Variants in NUDCD2 observed in about 807,000 individuals in gnomAD.
The protein encoded by NUDCD2 is NudC domain containing 2, also known as nudC domain-containing protein 2.
NUDCD2 carries 16 observed loss-of-function variants against 20.8 expected under a neutral mutation model. That is an observed-to-expected ratio of 0.77 (90% confidence interval 0.52 to 1.17). The LOEUF (loss-of-function observed/expected upper bound fraction) is 1.17. NUDCD2 is among the 50% of genes most tolerant of loss of function. The pLI is 0.00. For synonymous variants in NUDCD2, 87 were observed against 72.8 expected (o/e 1.20, Z -1.00); for missense variants, 199 against 193.9 (o/e 1.03, Z -0.16).
At chr5:163,457,208 T>A in intron 2 of NUDCD2, 128 bp from the exon 3 acceptor site, 1 of 968,490 alleles carries the variant, frequency 1.0e-6, no homozygotes, top group Non-Finnish European at 1.5e-6. Context: ...CTCGGCTCAC[T>A]GAAACCTCCG....
At chr5:163,454,632 C>A (rs981757471) in intron 3 of NUDCD2, among the ~76,000 whole-genome samples, 6 of 152,198 alleles carry the variant, frequency 3.9e-5, no homozygotes, top group Non-Finnish European at 8.8e-5. Flanking sequence ...TGAGCCATGG[C>A]GCCCAGCCTA....
Position 163,447,751 on chromosome 5 carries a change from A to G in NUDCD2, c.*6216T>C, listed in dbSNP as rs1002571137. ...TTTAAAAGAGATGAAATCATATAAAATATGTTTTTTGACCATAATCTAGAA... is the reference window on the plus strand; with the variant it reads ...TTTAAAAGAGATGAAATCATATAAAGTATGTTTTTTGACCATAATCTAGAA... On this transcript the variant is annotated 3_prime_UTR_variant, in exon 4 of 4. Coordinates refer to ENST00000302764, the MANE Select transcript of NUDCD2 (RefSeq NM_145266.6). 6.6e-6 allele frequency: 1 copy of G among 152,202 alleles called. No homozygotes were observed. The highest frequency in any genetic ancestry group is 1.5e-5 in the Non-Finnish European group (1 of 68,030). The allele number at this position is 152,202 out of a possible 1,614,324, so 9.4% of individuals were successfully genotyped here. A position where few individuals can be genotyped will look rare whatever the true frequency, so the allele number is the denominator to read the frequency against.
chr5:163,458,235 C>A (rs1310858055), intron 1 of NUDCD2, among the ~76,000 whole-genome samples: 2 of 152,002 alleles, frequency 1.3e-5, no homozygotes, highest in African/African-American at 4.8e-5. Context: ...CCCGCCTAGG[C>A]CTTCCAAAGT....
chr5:163,449,007 A>C lies in NUDCD2; in HGVS notation c.*4960T>G, dbSNP rs1047256329. Reference sequence around the variant, plus strand: ...CAGCTTGCATACATAATGGTCAAAAACAATGCTTTCAAAATCCTAAGATCC... The same window carrying C: ...CAGCTTGCATACATAATGGTCAAAACCAATGCTTTCAAAATCCTAAGATCC... On this transcript the variant is annotated 3_prime_UTR_variant, in exon 4 of 4. Coordinates refer to ENST00000302764, the MANE Select transcript of NUDCD2 (RefSeq NM_145266.6). The C allele has an allele frequency of 6.6e-6, 1 of 152,224 alleles. No homozygotes were observed. Among genetic ancestry groups the C allele is most frequent in the African/African-American group, 2.4e-5 (1 of 41,462 alleles). The allele number at this position is 152,224 out of a possible 1,614,324, so 9.4% of individuals were successfully genotyped here. A position where few individuals can be genotyped will look rare whatever the true frequency, so the allele number is the denominator to read the frequency against.
Position 163,456,917 on chromosome 5 carries a change from C to G in NUDCD2, c.390+12G>C. 6.3e-7 allele frequency: 1 copy of G among 1,588,790 alleles called. No homozygotes were observed. Among genetic ancestry groups the G allele is most frequent in the Non-Finnish European group, 8.6e-7 (1 of 1,166,274 alleles). On this transcript the variant is annotated intron_variant, in intron 3 of 3. Transcript: ENST00000302764. ...TTTAATTACACATACTCATACACTT[C>G]ATCTGACTTACTTCTTTTTGGAATC...
intron 3 of NUDCD2, among the ~76,000 whole-genome samples, chr5:163,454,716 C>A (rs1433564435): frequency 3.3e-5 from 5 of 152,160 alleles, no homozygotes; most frequent in African/African-American, 7.2e-5. Context: ...AGATATTTAA[C>A]CCTCACAACA....
chr5:163,457,141 T>G, intron 2 of NUDCD2, 61 bp from the exon 3 acceptor site: 1 of 1,326,990 alleles, frequency 7.5e-7, no homozygotes, highest in South Asian at 1.6e-5. Context: ...ATCAAGTTGT[T>G]TTTTTTTTTT....
In NUDCD2 at chr5:163,452,195, T is replaced by A. The variant is rs1400264510; in HGVS notation, c.*1772A>T. ...ATATGTGAATTCATGGTTTTCAATA[T>A]ACATAGATGCAGAAATATAGATGTA... is the stretch of plus-strand genomic sequence containing the variant. On this transcript the variant is annotated 3_prime_UTR_variant, in exon 4 of 4. Coordinates refer to ENST00000302764, the MANE Select transcript of NUDCD2 (RefSeq NM_145266.6). 3 of 152,168 alleles carry A rather than the reference T, an allele frequency of 2.0e-5. No individual in the cohort carries two copies. Among genetic ancestry groups the A allele is most frequent in the African/African-American group, 7.2e-5 (3 of 41,430 alleles). 9.4% of individuals were successfully genotyped at this position (152,168 alleles called of 1,614,324 possible).
In NUDCD2 at chr5:163,452,443, A is replaced by C. The variant is rs1758201411; in HGVS notation, c.*1524T>G. ...TCAGAAGGACACAGAGGCCACCCAG[A>C]ATGGACTTCTACCAGCCAAATGTAC... On this transcript the variant is annotated 3_prime_UTR_variant, in exon 4 of 4. Transcript: ENST00000302764. 1 of 152,224 alleles carries C rather than the reference A, an allele frequency of 6.6e-6. No homozygotes were observed. The highest frequency in any genetic ancestry group is 6.5e-5 in the Admixed American group (1 of 15,286). The allele number at this position is 152,224 out of a possible 1,614,324, so 9.4% of individuals were successfully genotyped here.
chr5:163,447,572 C>T lies in NUDCD2; in HGVS notation c.*6395G>A, dbSNP rs1368091016. On this transcript the variant is annotated 3_prime_UTR_variant, in exon 4 of 4. Coordinates refer to ENST00000302764, the MANE Select transcript of NUDCD2 (RefSeq NM_145266.6). ...GTCCATAGAATTAATAGAAAATTAGCAAAGATGTAGGAAAATGGAATAATA... is the reference window on the plus strand; with the variant it reads ...GTCCATAGAATTAATAGAAAATTAGTAAAGATGTAGGAAAATGGAATAATA... The T allele has an allele frequency of 6.6e-6, 1 of 151,550 alleles. No homozygotes were observed. Among genetic ancestry groups the T allele is most frequent in the African/African-American group, 2.4e-5 (1 of 41,240 alleles). The allele number at this position is 151,550 out of a possible 1,614,324, so 9.4% of individuals were successfully genotyped here. A position where few individuals can be genotyped will look rare whatever the true frequency, so the allele number is the denominator to read the frequency against.
In NUDCD2 at chr5:163,459,900, G is replaced by A; in HGVS notation, c.151C>T (p.His51Tyr). 6.2e-7 allele frequency: 1 copy of A among 1,610,578 alleles called. No individual in the cohort carries two copies. Among genetic ancestry groups the A allele is most frequent in the South Asian group, 1.1e-5 (1 of 90,842 alleles). Residue 51 changes from histidine to tyrosine, a missense_variant, in exon 1 of 4, where the codon CAT (histidine) becomes TAT (tyrosine). Coordinates refer to ENST00000302764, the MANE Select transcript of NUDCD2 (RefSeq NM_145266.6). ...CGGCCGCCCACCGACAGCGCCACATGCCGGCTCTGGAGGCCGCACTGGATA... is the reference window on the plus strand; with the variant it reads ...CGGCCGCCCACCGACAGCGCCACATACCGGCTCTGGAGGCCGCACTGGATA... ...QDIQCGLQSR[H>Y]VALSVGGREI...
intron 3 of NUDCD2, among the ~76,000 whole-genome samples, chr5:163,455,316 A>G (rs1297169200): frequency 6.6e-6 from 1 of 152,242 alleles, no homozygotes; most frequent in Admixed American, 6.5e-5. Context: ...AAGGAACAGC[A>G]AACAGGCCAG....
chr5:163,458,208 C>T (rs1422998478), intron 1 of NUDCD2, among the ~76,000 whole-genome samples: 2 of 151,946 alleles, frequency 1.3e-5, no homozygotes, highest in Non-Finnish European at 2.9e-5. Flanking sequence ...GTCTCGAACT[C>T]CTGACCTTGT....
rs192464640 is a variant in NUDCD2, at chr5:163,460,063, C to T, written c.-13G>A. 3.9e-5 allele frequency: 60 copies of T among 1,537,618 alleles called. 1 individual carries two copies. In the South Asian group the frequency reaches 7.0e-4, roughly 18 times the overall value. On this transcript the variant is annotated 5_prime_UTR_variant, in exon 1 of 4. Transcript: ENST00000302764. ...ACGGGGCCGACATAATCCAGTCCCT[C>T]CCGGCCGCGGCCGCACCAGGCGGAG...
At position 163,449,871 on chromosome 5, in the gene NUDCD2, C is replaced by A. The variant is rs1758134636; in HGVS notation, c.*4096G>T. ...GAACATCCATATGCAAAAAAATAAA[C>A]CTACCTAAATTTCACAGCTTATACA... On this transcript the variant is annotated 3_prime_UTR_variant, in exon 4 of 4. Coordinates refer to ENST00000302764, the MANE Select transcript of NUDCD2 (RefSeq NM_145266.6). 6.6e-6 allele frequency: 1 copy of A among 152,240 alleles called. No individual in the cohort carries two copies. Among genetic ancestry groups the A allele is most frequent in the Non-Finnish European group, 1.5e-5 (1 of 68,006 alleles). The allele number at this position is 152,240 out of a possible 1,614,324, so 9.4% of individuals were successfully genotyped here. A position where few individuals can be genotyped will look rare whatever the true frequency, so the allele number is the denominator to read the frequency against.
At chr5:163,455,913 C>T (rs997311530) in intron 3 of NUDCD2, among the ~76,000 whole-genome samples, 7 of 151,926 alleles carry the variant, frequency 4.6e-5, no homozygotes, top group South Asian at 2.1e-4. Context: ...AAATATATTT[C>T]GAAGGTAGCA....
At position 163,448,292 on chromosome 5, in the gene NUDCD2, T is replaced by G. The variant is rs1347076095; in HGVS notation, c.*5675A>C. The G allele has an allele frequency of 1.3e-5, 2 of 151,716 alleles. No homozygotes were observed. The highest frequency in any genetic ancestry group is 2.9e-5 in the Non-Finnish European group (2 of 67,946). 9.4% of individuals were successfully genotyped at this position (151,716 alleles called of 1,614,324 possible). A position where few individuals can be genotyped will look rare whatever the true frequency, so the allele number is the denominator to read the frequency against. On this transcript the variant is annotated 3_prime_UTR_variant, in exon 4 of 4. Coordinates refer to ENST00000302764, the MANE Select transcript of NUDCD2 (RefSeq NM_145266.6). ...TAATTTTTGAAAAGAGCAGTAAAAT[T>G]GATAAACCTCTGGCAAAATTGACAA...
At chr5:163,456,861 TTTCAAATA>T in intron 3 of NUDCD2, 60 bp downstream of exon 3, 2 of 1,079,988 alleles carry the variant, frequency 1.9e-6, no homozygotes, top group Non-Finnish European at 2.5e-6. Context: ...TGAGTTTTAA[TTTCAAATA>T]TTTATTTGAT....
Position 163,460,039 on chromosome 5 carries a change from C to T in NUDCD2, c.12G>A (p.Pro4=). MSA[P]FEERSGVVPC... ...GTACCACCCCACTCCGCTCCTCAAA[C>T]GGGGCCGACATAATCCAGTCCCTCC... Residue 4 remains proline (P), a synonymous_variant, in exon 1 of 4, where the codon CCG becomes CCA. Coordinates refer to ENST00000302764, the MANE Select transcript of NUDCD2 (RefSeq NM_145266.6). The T allele has an allele frequency of 6.3e-7, 1 of 1,591,488 alleles. No homozygotes were observed. Among genetic ancestry groups the T allele is most frequent in the Non-Finnish European group, 8.5e-7 (1 of 1,170,522 alleles).
Sources: allele counts gnomAD v4.1 joint callset (sites outside exome capture counted in the v4.1 genomes callset), GRCh38; gene constraint gnomAD v4.1.1; transcripts MANE v1.5; gene names NCBI Gene and HGNC (gene_info 2026-07-23, HGNC 2026-07-21).